The following RIN3 variants were observed in gnomAD, a reference collection of about 807,000 sequenced individuals.
RIN3 encodes RAB5 interacting protein 3.
Under a neutral mutation model 76.3 loss-of-function variants are expected in RIN3, and 54 were observed. The observed-to-expected ratio is 0.71, with a 90% CI of 0.57 to 0.89. The LOEUF (loss-of-function observed/expected upper bound fraction) is 0.89, where lower values mean the gene tolerates loss of function less well. Ranked by LOEUF, RIN3 falls within the 40% of genes least tolerant of loss-of-function variation. The pLI, the probability that RIN3 is intolerant of heterozygous loss-of-function variation, is 0.00. For synonymous variants in RIN3, 576 were observed against 564.0 expected, an observed-to-expected ratio of 1.02 and a Z score of -0.30; for missense variants, 1,256 against 1,322.1, an observed-to-expected ratio of 0.95 and a Z score of 0.78.
intron 1 of RIN3, among the ~76,000 whole-genome samples, chr14:92,522,698 C>A (rs1385392594): frequency 6.6e-6 from 1 of 152,226 alleles, no homozygotes; most frequent in African/African-American, 2.4e-5. Flanking sequence ...AGATCTGTCA[C>A]CATCCTGGAG....
chr14:92,538,477 C>T (rs1485638072), intron 1 of RIN3, among the ~76,000 whole-genome samples: 2 of 152,174 alleles, frequency 1.3e-5, no homozygotes, highest in Non-Finnish European at 2.9e-5. Context: ...ATGGGCCAGA[C>T]ACTGGAACAC....
intron 3 of RIN3, among the ~76,000 whole-genome samples, chr14:92,582,145 A>G (rs1388928014): frequency 6.6e-6 from 1 of 152,158 alleles, no homozygotes; most frequent in Non-Finnish European, 1.5e-5. Flanking sequence ...AGCCTGACTA[A>G]AGTTTGGTCA....
At chr14:92,570,270 C>T (rs1186286665) in intron 2 of RIN3, among the ~76,000 whole-genome samples, 1 of 152,218 alleles carries the variant, frequency 6.6e-6, no homozygotes, top group African/African-American at 2.4e-5. Flanking sequence ...CTTTCCACGT[C>T]CTGCTCAGCA....
Position 92,685,304 on chromosome 14 carries a change from C to A in RIN3, c.2631+154C>A. 1 of 733,190 alleles carries A rather than the reference C, an allele frequency of 1.4e-6. No homozygotes were observed. Among genetic ancestry groups the A allele is most frequent in the Non-Finnish European group, 2.2e-6 (1 of 459,006 alleles). The allele number at this position is 733,190 out of a possible 1,614,324, so 45.4% of individuals were successfully genotyped here. On this transcript the variant is annotated intron_variant, in intron 9 of 9. Transcript: ENST00000216487. This position sits in a 1 kb window ranked among gnomAD's most constrained non-coding sequence, Gnocchi z 4.7. ...GAGACTCCCCACACCAGAGGAAGGG[C>A]CCCCAGCCCCTGCTGCCAGTGTGTG...
chr14:92,568,343 A>G lies in RIN3; in HGVS notation c.250-9017A>G, dbSNP rs1897971485. ...CAGGGAGGCAATGTAGATATAAACA[A>G]CTCATGAAGATGGCTGCTGCCTGAC... is the stretch of plus-strand genomic sequence containing the variant. On this transcript the variant is annotated intron_variant, in intron 2 of 9. Coordinates refer to ENST00000216487, the MANE Select transcript of RIN3 (RefSeq NM_024832.5). This position sits in a 1 kb window ranked among gnomAD's most constrained non-coding sequence, Gnocchi z 4.2. 6.6e-6 allele frequency among the ~76,000 whole-genome samples: 1 copy of G among 152,132 alleles called. No individual in the cohort carries two copies. Among genetic ancestry groups the G allele is most frequent in the African/African-American group, 2.4e-5 (1 of 41,416 alleles).
chr14:92,567,027 G>A (rs578075116), intron 2 of RIN3, among the ~76,000 whole-genome samples: 14 of 152,286 alleles, frequency 9.2e-5, no homozygotes, highest in Admixed American at 3.3e-4. Context: ...CACAAACGTG[G>A]CCTGGAGGTC....
At chr14:92,575,328 ATC>A (rs1192428492) in intron 2 of RIN3, among the ~76,000 whole-genome samples, 1 of 152,122 alleles carries the variant, frequency 6.6e-6, no homozygotes, top group Non-Finnish European at 1.5e-5. Flanking sequence ...AGGGCTCCCG[ATC>A]CAGACCCCAA....
chr14:92,627,377 G>A (rs1004123582), intron 4 of RIN3, among the ~76,000 whole-genome samples: 1 of 152,202 alleles, frequency 6.6e-6, no homozygotes, highest in African/African-American at 2.4e-5. Context: ...AAGCCCCATG[G>A]CAGGATCTGC....
At chr14:92,615,707 C>G in intron 4 of RIN3, 1 of 538,242 alleles carries the variant, frequency 1.9e-6, no homozygotes, top group South Asian at 2.3e-5. Context: ...GCCCCTCTGG[C>G]TCACGGCCTG....
intron 3 of RIN3, among the ~76,000 whole-genome samples, chr14:92,608,264 G>T (rs766736885): frequency 5.3e-5 from 8 of 152,152 alleles, no homozygotes; most frequent in Non-Finnish European, 2.9e-5. Flanking sequence ...TGTTACCACT[G>T]GGGGGAACTG....
intron 5 of RIN3, among the ~76,000 whole-genome samples, chr14:92,645,969 C>A (rs1316369651): frequency 6.7e-6 from 1 of 149,180 alleles, no homozygotes. Flanking sequence ...AAAAAAAGCT[C>A]TAAAATTGAT....
At chr14:92,574,270 A>C (rs765304784) in intron 2 of RIN3, among the ~76,000 whole-genome samples, 1 of 152,252 alleles carries the variant, frequency 6.6e-6, no homozygotes, top group African/African-American at 2.4e-5. Context: ...TCTGATTTAC[A>C]TAGAGTACCA....
chr14:92,687,907 G>T lies in RIN3; in HGVS notation c.2632-19G>T, dbSNP rs1404615109. 3.3e-6 allele frequency: 5 copies of T among 1,526,146 alleles called. No individual in the cohort carries two copies. Among genetic ancestry groups the T allele is most frequent in the Non-Finnish European group, 4.4e-6 (5 of 1,138,328 alleles). The allele number at this position is 1,526,146 out of a possible 1,614,324, so 94.5% of individuals were successfully genotyped here. A position where few individuals can be genotyped will look rare whatever the true frequency, so the allele number is the denominator to read the frequency against. ...AGACAGGGCCCCGCCGTGACCACAG[G>T]CCCCTCGCGTCTCCGCAGGACTTCA... On this transcript the variant is annotated intron_variant, in intron 9 of 9. Transcript: ENST00000216487.
intron 1 of RIN3, among the ~76,000 whole-genome samples, chr14:92,520,082 C>T (rs1896553792): frequency 6.6e-6 from 1 of 152,246 alleles, no homozygotes; most frequent in Admixed American, 6.5e-5. Context: ...GAACCCCCTG[C>T]CCCAATTTGA....
intron 1 of RIN3, among the ~76,000 whole-genome samples, chr14:92,516,086 A>G (rs1896433905): frequency 6.6e-6 from 1 of 152,132 alleles, no homozygotes; most frequent in South Asian, 2.1e-4. Flanking sequence ...AGGCACCCCC[A>G]TGCAGCCCCA....
chr14:92,590,696 C>A (rs1884949408), intron 3 of RIN3, among the ~76,000 whole-genome samples: 1 of 152,150 alleles, frequency 6.6e-6, no homozygotes, highest in Non-Finnish European at 1.5e-5. Flanking sequence ...CCTAACCTGC[C>A]TGGGAAAGGG....
At chr14:92,573,932 C>G (rs34852990) in intron 2 of RIN3, among the ~76,000 whole-genome samples, 53,684 of 152,064 alleles carry the variant, frequency 0.35, 10,528 homozygotes, top group East Asian at 0.49. Flanking sequence ...TTGGCAGGAG[C>G]CGAGGCTTGT....
intron 3 of RIN3, among the ~76,000 whole-genome samples, chr14:92,597,326 A>G (rs1885184881): frequency 6.6e-6 from 1 of 152,236 alleles, no homozygotes; most frequent in Admixed American, 6.5e-5. Flanking sequence ...TTAGCTGATC[A>G]TGGGATGACC....
At chr14:92,535,281 T>C (rs567101297) in intron 1 of RIN3, among the ~76,000 whole-genome samples, 10 of 152,228 alleles carry the variant, frequency 6.6e-5, no homozygotes, top group African/African-American at 2.4e-4. Context: ...TGTAAAAATA[T>C]CTTCTCCCAC....
Sources: allele counts gnomAD v4.1 joint callset (sites outside exome capture counted in the v4.1 genomes callset), GRCh38; gene constraint gnomAD v4.1.1; non-coding constraint Gnocchi (gnomAD v3.1); transcripts MANE v1.5; gene names NCBI Gene and HGNC (gene_info 2026-07-23, HGNC 2026-07-21).